Variants in CDH13 observed in about 807,000 individuals in gnomAD.
CDH13 encodes cadherin 13, also known as cadherin-13.
A neutral mutation model predicts 63.8 loss-of-function variants in CDH13; 24 were observed. The ratio of observed to expected loss-of-function variants is 0.38; its 90% confidence interval spans 0.27 to 0.53. CDH13 has a LOEUF of 0.53. CDH13 is among the 20% of genes least tolerant of loss of function. The probability of loss-of-function intolerance (pLI) is 0.85; values close to 1 mark genes in which losing one functional copy is unlikely to be tolerated. For synonymous variants in CDH13, 503 were observed against 355.3 expected (o/e 1.42, Z -4.67); for missense variants, 1,049 against 903.1 (o/e 1.16, Z -2.07).
At chr16:82,680,646 A>T (rs928992545) in intron 1 of CDH13, among the ~76,000 whole-genome samples, 1 of 152,214 alleles carries the variant, frequency 6.6e-6, no homozygotes, top group Non-Finnish European at 1.5e-5. Context: ...CATGTTAGAA[A>T]GGCACACACA....
chr16:83,375,645 G>A (rs763591669), intron 6 of CDH13, among the ~76,000 whole-genome samples: 3 of 152,194 alleles, frequency 2.0e-5, no homozygotes, highest in Non-Finnish European at 4.4e-5. Flanking sequence ...AACACTGAGA[G>A]CAAAGTAAGC....
intron 1 of CDH13, among the ~76,000 whole-genome samples, chr16:82,701,376 T>A (rs942776599): frequency 6.6e-6 from 1 of 152,160 alleles, no homozygotes; most frequent in South Asian, 2.1e-4. Flanking sequence ...ACTAAGACTT[T>A]TAACATTTCT....
chr16:83,751,097 G>A (rs1913045076), intron 11 of CDH13, among the ~76,000 whole-genome samples: 1 of 152,158 alleles, frequency 6.6e-6, no homozygotes, highest in African/African-American at 2.4e-5. Flanking sequence ...TAAGGGCAGA[G>A]AAGCGTGTGG....
chr16:82,803,476 C>T (rs989039751), intron 1 of CDH13, among the ~76,000 whole-genome samples: 1 of 152,022 alleles, frequency 6.6e-6, no homozygotes, highest in African/African-American at 2.4e-5. Flanking sequence ...TTTGTAATGC[C>T]AGCATATAGG....
intron 6 of CDH13, among the ~76,000 whole-genome samples, chr16:83,400,782 G>A (rs7185293): frequency 0.74 from 111,774 of 151,998 alleles, 41,256 homozygotes; most frequent in East Asian, 0.87. Flanking sequence ...ATTTGGCCCA[G>A]TTGCTGCCCT....
intron 2 of CDH13, among the ~76,000 whole-genome samples, chr16:82,916,148 C>A (rs1032404832): frequency 1.3e-5 from 2 of 152,110 alleles, no homozygotes; most frequent in African/African-American, 4.8e-5. Flanking sequence ...ATAAAGCAAG[C>A]GTTTATTTGT....
chr16:83,217,191 A>G (rs2039562008), intron 4 of CDH13, among the ~76,000 whole-genome samples, 154 bp from the exon 5 acceptor site: 1 of 152,156 alleles, frequency 6.6e-6, no homozygotes, highest in Admixed American at 6.5e-5. Flanking sequence ...CAGTGATGCT[A>G]TTTCTGGTGC....
chr16:82,692,880 G>T (rs988463119), intron 1 of CDH13, among the ~76,000 whole-genome samples: 24 of 152,294 alleles, frequency 1.6e-4, no homozygotes, highest in African/African-American at 5.5e-4. Flanking sequence ...GGTCTTCACG[G>T]CCTCAGGTAA....
chr16:83,390,944 G>T (rs866273268), intron 6 of CDH13, among the ~76,000 whole-genome samples: 6 of 152,172 alleles, frequency 3.9e-5, no homozygotes, highest in Admixed American at 2.6e-4. Context: ...CTGGCTCTTA[G>T]CAGGCCAGCT....
At chr16:82,707,456 A>G (rs1440978529) in intron 1 of CDH13, among the ~76,000 whole-genome samples, 1 of 152,222 alleles carries the variant, frequency 6.6e-6, no homozygotes, top group Non-Finnish European at 1.5e-5. Flanking sequence ...TCCTCAAGGC[A>G]CGGAGAGATG....
chr16:83,278,075 T>A (rs1056781433), intron 5 of CDH13, among the ~76,000 whole-genome samples: 11 of 152,186 alleles, frequency 7.2e-5, no homozygotes, highest in Non-Finnish European at 1.5e-4. Context: ...TTTGCAGTAT[T>A]GCAGCATGAG....
intron 1 of CDH13, among the ~76,000 whole-genome samples, chr16:82,851,074 T>C (rs1375453413): frequency 6.6e-6 from 1 of 152,140 alleles, no homozygotes; most frequent in African/African-American, 2.4e-5. Flanking sequence ...GTTTACAGTT[T>C]GAGGAGAATA....
chr16:83,439,108 G>C (rs952806614), intron 6 of CDH13, among the ~76,000 whole-genome samples: 1 of 152,178 alleles, frequency 6.6e-6, no homozygotes, highest in African/African-American at 2.4e-5. Context: ...ATCTTGGAAA[G>C]TTACTTCTCC....
intron 6 of CDH13, among the ~76,000 whole-genome samples, chr16:83,362,726 G>A (rs137999174): frequency 2.1e-4 from 32 of 152,266 alleles, no homozygotes; most frequent in African/African-American, 2.9e-4. Context: ...TCTCATTGTG[G>A]GTTAATTACT....
At chr16:83,183,387 C>T (rs117147518) in intron 4 of CDH13, among the ~76,000 whole-genome samples, 12 of 152,298 alleles carry the variant, frequency 7.9e-5, no homozygotes, top group African/African-American at 2.2e-4. Context: ...TCCACGCACA[C>T]GACGTGAAGC....
At chr16:82,782,835 C>T (rs2035826920) in intron 1 of CDH13, among the ~76,000 whole-genome samples, 1 of 152,184 alleles carries the variant, frequency 6.6e-6, no homozygotes, top group Non-Finnish European at 1.5e-5. Context: ...GCTCCAAGTT[C>T]CTGGCACTAA....
rs746398289 is a variant in CDH13 at position 82,627,098 on chromosome 16, G to T, written c.6G>T (p.Gln2His). The T allele has an allele frequency of 6.2e-7, 1 of 1,604,100 alleles. No homozygotes were observed. Among genetic ancestry groups the T allele is most frequent in the Non-Finnish European group, 8.5e-7 (1 of 1,175,600 alleles). Reference sequence around the variant, plus strand: ...GGCGCTTCTAGTCGGACAAAATGCAGCCGAGAACTCCGCTCGTTCTGTGCG... The same window carrying T: ...GGCGCTTCTAGTCGGACAAAATGCATCCGAGAACTCCGCTCGTTCTGTGCG... MQPRTPLVLCVL... is the reference protein window; with the variant it reads MHPRTPLVLCVL... The change falls in exon 1 of 14, where the codon CAG (glutamine) becomes CAT (histidine). Residue 2 changes from glutamine (Q) to histidine (H), a missense_variant. Physicochemically the swap from Gln to His is conservative, Grantham distance 24. Coordinates refer to ENST00000567109, the MANE Select transcript of CDH13 (RefSeq NM_001257.5).
chr16:83,758,526 ACT>A (rs1213337129), intron 11 of CDH13, among the ~76,000 whole-genome samples: 2 of 152,150 alleles, frequency 1.3e-5, no homozygotes, highest in Non-Finnish European at 2.9e-5. Flanking sequence ...AATAGTAAAA[ACT>A]TTTTTTGTGA....
At chr16:83,436,425 G>A (rs907932860) in intron 6 of CDH13, among the ~76,000 whole-genome samples, 1 of 151,902 alleles carries the variant, frequency 6.6e-6, no homozygotes, top group East Asian at 1.9e-4. Flanking sequence ...GAGTTATGAC[G>A]GTACCAGTGC....
Sources: gnomAD v4.1 joint callset for allele counts (sites outside exome capture counted in the v4.1 genomes callset) on GRCh38, gnomAD v4.1.1 for gene constraint, MANE v1.5 for transcripts, NCBI Gene and HGNC (gene_info 2026-07-23, HGNC 2026-07-21) for gene names.